The following AUH variants were observed in gnomAD, a reference collection of about 807,000 sequenced individuals.
AUH encodes the protein methylglutaconyl-CoA hydratase, mitochondrial.
In AUH, 29 loss-of-function variants were observed where a neutral mutation model predicts 42.3. That is an observed-to-expected ratio of 0.69 (90% CI 0.51 to 0.93). The LOEUF (loss-of-function observed/expected upper bound fraction) is 0.93. AUH is among the 40% of genes least tolerant of loss of function. The probability of loss-of-function intolerance (pLI) is 0.00; values close to 1 mark genes in which losing one functional copy is unlikely to be tolerated. For missense variants in AUH, 452 were observed against 438.1 expected (o/e 1.03, Z -0.28); for synonymous variants, 174 against 166.4 (o/e 1.05, Z -0.35).
At position 91,303,923 on chromosome 9, in the gene AUH, C is replaced by T. The variant is rs181676690; in HGVS notation, c.506-5847G>A. On this transcript the variant is annotated intron_variant, in intron 4 of 9. Coordinates refer to ENST00000375731, the MANE Select transcript of AUH (RefSeq NM_001698.3). ...ACAAGCCCTGAGTGAGGCCTGCAGGCTGGCTGGGCTGTTGCTCCCTGGAGG... is the reference window on the plus strand; with the variant it reads ...ACAAGCCCTGAGTGAGGCCTGCAGGTTGGCTGGGCTGTTGCTCCCTGGAGG... 5.3e-5 allele frequency among the ~76,000 whole-genome samples: 8 copies of T among 152,250 alleles called. 1 individual carries two copies. The East Asian group carries it at 1.5e-3, about 29-fold the overall frequency.
intron 6 of AUH, among the ~76,000 whole-genome samples, chr9:91,244,504 C>T (rs181396427): frequency 2.0e-5 from 3 of 152,270 alleles, no homozygotes; most frequent in African/African-American, 7.2e-5. Flanking sequence ...TATTTCAAAA[C>T]ATTTTAAGGC....
intron 4 of AUH, among the ~76,000 whole-genome samples, chr9:91,323,321 C>T (rs1184207303): frequency 2.0e-5 from 3 of 152,032 alleles, no homozygotes; most frequent in Non-Finnish European, 4.4e-5. Flanking sequence ...ATAAAATAAG[C>T]ACATAAAAGT....
chr9:91,355,359 C>T (rs1403914385), intron 3 of AUH, among the ~76,000 whole-genome samples: 1 of 152,110 alleles, frequency 6.6e-6, no homozygotes, highest in Non-Finnish European at 1.5e-5. Context: ...CAGTTCGAGA[C>T]CAGCCTGGCC....
intron 3 of AUH, among the ~76,000 whole-genome samples, chr9:91,343,783 A>G (rs984264794): frequency 1.4e-4 from 22 of 152,238 alleles, no homozygotes; most frequent in Admixed American, 9.2e-4. Flanking sequence ...TCAATGTAGT[A>G]AAAGGATAAG....
chr9:91,361,166 T>C (rs576889428), intron 1 of AUH, among the ~76,000 whole-genome samples: 3 of 152,136 alleles, frequency 2.0e-5, no homozygotes, highest in Non-Finnish European at 2.9e-5. Flanking sequence ...AGAGGAAAAA[T>C]TGTTCCAGCT....
chr9:91,279,672 T>C (rs1377915750), intron 6 of AUH, among the ~76,000 whole-genome samples: 2 of 152,154 alleles, frequency 1.3e-5, no homozygotes, highest in Non-Finnish European at 2.9e-5. Flanking sequence ...GGTGCAAAGC[T>C]GTTCATGGGA....
intron 7 of AUH, 34 bp downstream of exon 7, chr9:91,220,771 A>C (rs1425463981): frequency 6.2e-7 from 1 of 1,610,734 alleles, no homozygotes; most frequent in East Asian, 2.2e-5. Context: ...GTTTCCTAAA[A>C]TGAGAAAAAA....
At chr9:91,222,517 G>A (rs929998526) in intron 6 of AUH, among the ~76,000 whole-genome samples, 2 of 152,212 alleles carry the variant, frequency 1.3e-5, no homozygotes, top group Non-Finnish European at 2.9e-5. Flanking sequence ...GTTTATATAA[G>A]TGTTTACTCG....
chr9:91,292,273 C>CTTT (rs1017680283), intron 6 of AUH, among the ~76,000 whole-genome samples: 11 of 130,972 alleles, frequency 8.4e-5, no homozygotes, highest in African/African-American at 1.4e-4. Flanking sequence ...TGGGAACCCT[C>CTTT]TTTTTTTTTT....
intron 4 of AUH, among the ~76,000 whole-genome samples, chr9:91,322,311 C>T (rs1034658790): frequency 2.6e-5 from 4 of 152,120 alleles, no homozygotes; most frequent in Non-Finnish European, 5.9e-5. Flanking sequence ...TTAGCCACCC[C>T]CTTGCATATA....
chr9:91,353,043 G>A (rs1448995526), intron 3 of AUH, among the ~76,000 whole-genome samples: 1 of 152,010 alleles, frequency 6.6e-6, no homozygotes, highest in Non-Finnish European at 1.5e-5. Context: ...AAGGGATGGA[G>A]AAGAGGCTAA....
intron 6 of AUH, among the ~76,000 whole-genome samples, chr9:91,273,359 A>C (rs1564054298): frequency 6.6e-6 from 1 of 151,766 alleles, no homozygotes; most frequent in East Asian, 1.9e-4. Context: ...ATAAACATCA[A>C]AGAGAAAACT....
intron 6 of AUH, among the ~76,000 whole-genome samples, chr9:91,257,165 G>A (rs1454265875): frequency 1.3e-5 from 2 of 152,100 alleles, no homozygotes; most frequent in Admixed American, 6.5e-5. Flanking sequence ...AAATGGTTAC[G>A]TTGATCTAGC....
intron 6 of AUH, among the ~76,000 whole-genome samples, chr9:91,283,032 T>A (rs554900943): frequency 3.3e-5 from 5 of 152,220 alleles, no homozygotes; most frequent in South Asian, 4.1e-4. Flanking sequence ...TACACCAATA[T>A]CCCTGATGAA....
At chr9:91,286,005 C>T (rs1826374690) in intron 6 of AUH, among the ~76,000 whole-genome samples, 1 of 151,736 alleles carries the variant, frequency 6.6e-6, no homozygotes, top group Non-Finnish European at 1.5e-5. Context: ...TTTTGTTATG[C>T]TTTTTTTTCT....
chr9:91,255,763 T>C (rs1829374305), intron 6 of AUH, among the ~76,000 whole-genome samples: 1 of 152,178 alleles, frequency 6.6e-6, no homozygotes, highest in Non-Finnish European at 1.5e-5. Flanking sequence ...TATTTTCAAC[T>C]ATCAAGTGCT....
intron 4 of AUH, among the ~76,000 whole-genome samples, chr9:91,320,355 C>G (rs1454753577): frequency 2.0e-5 from 3 of 152,152 alleles, no homozygotes; most frequent in Non-Finnish European, 4.4e-5. Flanking sequence ...GTAGAAAAGA[C>G]AGAAAACCTA....
chr9:91,350,434 GA>G (rs1831875371), intron 3 of AUH, among the ~76,000 whole-genome samples: 1 of 152,128 alleles, frequency 6.6e-6, no homozygotes, highest in African/African-American at 2.4e-5. Flanking sequence ...TATTCTATAG[GA>G]ACTCTTTTAG....
At chr9:91,230,482 C>A (rs1216274719) in intron 6 of AUH, among the ~76,000 whole-genome samples, 6 of 151,984 alleles carry the variant, frequency 3.9e-5, no homozygotes, top group Non-Finnish European at 8.8e-5. Context: ...TTTTCAACTT[C>A]TTTGCCTTTG....
Sources: allele counts gnomAD v4.1 joint callset (sites outside exome capture counted in the v4.1 genomes callset), GRCh38; gene constraint gnomAD v4.1.1; transcripts MANE v1.5; gene names NCBI Gene and HGNC (gene_info 2026-07-23, HGNC 2026-07-21).